MPP7: variants seen among roughly 807,000 people sequenced by gnomAD.
MPP7 encodes MAGUK p55 scaffold protein 7.
Under a neutral mutation model 76.5 loss-of-function variants are expected in MPP7, and 60 were observed. The observed-to-expected ratio is 0.78, with a 90% CI of 0.64 to 0.97. The LOEUF is 0.97. Ranked by LOEUF, MPP7 falls within the 50% of genes least tolerant of loss-of-function variation. The pLI, the probability that MPP7 is intolerant of heterozygous loss-of-function variation, is 0.00. For synonymous variants in MPP7, 237 were observed against 244.5 expected (o/e 0.97, Z 0.29); for missense variants, 641 against 694.0 (o/e 0.92, Z 0.86).
Position 28,120,949 on chromosome 10 carries a change from C to T in MPP7, c.616-281G>A, listed in dbSNP as rs117628200. ...AAATACATTCCCATCCAAGTTTCTTCGAAATAGAAACACACAAAATATGCA... is the reference window on the plus strand; with the variant it reads ...AAATACATTCCCATCCAAGTTTCTTTGAAATAGAAACACACAAAATATGCA... On this transcript the variant is annotated intron_variant, in intron 8 of 16. Coordinates refer to ENST00000683449, the MANE Select transcript of MPP7 (RefSeq NM_001318170.2). Among the ~76,000 whole-genome samples the T allele has an allele frequency of 4.1e-3, 626 of 152,206 alleles. 3 individuals carry two copies. The highest frequency in any genetic ancestry group is 0.027 in the Middle Eastern group (8 of 294).
At chr10:28,081,828 G>A (rs1006546106) in intron 12 of MPP7, among the ~76,000 whole-genome samples, 1 of 150,012 alleles carries the variant, frequency 6.7e-6, no homozygotes, top group African/African-American at 2.5e-5. Context: ...TCTCGGCTCA[G>A]TGCAACCTCC....
At chr10:28,092,765 A>T (rs1228373833) in intron 11 of MPP7, among the ~76,000 whole-genome samples, 1 of 67,834 alleles carries the variant, frequency 1.5e-5, no homozygotes, top group East Asian at 4.8e-3. Context: ...TTTTTTGAAG[A>T]GATAAGGTTT....
chr10:28,310,716 C>T (rs991570686), intron 2 of MPP7, among the ~76,000 whole-genome samples: 1 of 152,182 alleles, frequency 6.6e-6, no homozygotes, highest in African/African-American at 2.4e-5. Context: ...ACACCTGGAT[C>T]TACCTCATTA....
intron 16 of MPP7, among the ~76,000 whole-genome samples, chr10:28,055,572 A>C (rs1389976161): frequency 5.3e-5 from 8 of 152,240 alleles, no homozygotes; most frequent in Admixed American, 3.9e-4. Flanking sequence ...TCATGAATAT[A>C]CCACAATCAT....
At chr10:28,296,183 C>A (rs1269368342) in intron 1 of MPP7, among the ~76,000 whole-genome samples, 1 of 152,164 alleles carries the variant, frequency 6.6e-6, no homozygotes, top group East Asian at 1.9e-4. Context: ...TAGGAAGCAG[C>A]CTTTTAATCT....
intron 1 of MPP7, among the ~76,000 whole-genome samples, chr10:28,282,804 C>T (rs77523657): frequency 0.01 from 1,572 of 151,980 alleles, 30 homozygotes; most frequent in East Asian, 0.071. Flanking sequence ...TGTTCTGTGT[C>T]GGTGACCTCC....
At chr10:28,333,919 G>T (rs945390605) in intron 1 of MPP7, among the ~76,000 whole-genome samples, 1 of 152,176 alleles carries the variant, frequency 6.6e-6, no homozygotes, top group Admixed American at 6.5e-5. Context: ...GGGGCCGGCT[G>T]CGGTGGCTCG....
intron 1 of MPP7, among the ~76,000 whole-genome samples, chr10:28,269,447 T>G (rs537077503): frequency 1.3e-5 from 2 of 152,246 alleles, no homozygotes; most frequent in South Asian, 2.1e-4. Flanking sequence ...ATCATCATTC[T>G]AAAGTAAATC....
chr10:28,111,218 A>G (rs1218724358), intron 11 of MPP7, among the ~76,000 whole-genome samples: 2 of 152,106 alleles, frequency 1.3e-5, no homozygotes, highest in African/African-American at 2.4e-5. Flanking sequence ...AAAAAAATCC[A>G]CCTACCACAC....
intron 6 of MPP7, among the ~76,000 whole-genome samples, chr10:28,127,197 C>T (rs1436293513): frequency 6.6e-6 from 1 of 152,142 alleles, no homozygotes; most frequent in Non-Finnish European, 1.5e-5. Flanking sequence ...ATACTTAATG[C>T]TAGTTCCTTT....
At chr10:28,097,050 T>C (rs999361987) in intron 11 of MPP7, among the ~76,000 whole-genome samples, 4 of 152,138 alleles carry the variant, frequency 2.6e-5, no homozygotes, top group African/African-American at 9.7e-5. Flanking sequence ...AGTAAAGTGG[T>C]GCGATCACGG....
At chr10:28,262,225 A>AC (rs1839993071) in intron 1 of MPP7, among the ~76,000 whole-genome samples, 1 of 23,638 alleles carries the variant, frequency 4.2e-5, no homozygotes, top group African/African-American at 1.7e-4. Flanking sequence ...ATATATATAT[A>AC]CATATATATA....
chr10:28,077,071 A>G (rs968134388), intron 12 of MPP7, among the ~76,000 whole-genome samples: 7 of 130,156 alleles, frequency 5.4e-5, no homozygotes, highest in Non-Finnish European at 1.1e-4. Flanking sequence ...ATTCTTAAAA[A>G]TCTCTAACTA....
At position 28,238,619 on chromosome 10, in the gene MPP7, G is replaced by C; in HGVS notation, c.-15C>G. On this transcript the variant is annotated 5_prime_UTR_variant, in exon 2 of 17. Transcript: ENST00000683449. ...AAAGCTGGCATGATGCAAGGTGTAGGAACAGGTCAGCCCACCGCTCTCCGG... is the reference window on the plus strand; with the variant it reads ...AAAGCTGGCATGATGCAAGGTGTAGCAACAGGTCAGCCCACCGCTCTCCGG... 1 of 1,614,086 alleles carries C rather than the reference G, an allele frequency of 6.2e-7. No homozygotes were observed. The highest frequency in any genetic ancestry group is 8.5e-7 in the Non-Finnish European group (1 of 1,179,962).
intron 3 of MPP7, among the ~76,000 whole-genome samples, chr10:28,199,879 A>AACACAC (rs3064104): frequency 3.6e-4 from 54 of 148,952 alleles, no homozygotes; most frequent in Middle Eastern, 3.5e-3. Context: ...AGCCCATTTA[A>AACACAC]ACACACACAC....
chr10:28,212,792 TGAG>T (rs1838184026), intron 2 of MPP7, among the ~76,000 whole-genome samples: 1 of 152,134 alleles, frequency 6.6e-6, no homozygotes, highest in African/African-American at 2.4e-5. Context: ...GCAAGTACAA[TGAG>T]GACTGAGAAC....
intron 2 of MPP7, among the ~76,000 whole-genome samples, chr10:28,237,857 CT>C (rs1839129111): frequency 6.6e-6 from 1 of 152,180 alleles, no homozygotes; most frequent in African/African-American, 2.4e-5. Context: ...GGATTTTACA[CT>C]TTGAAAAAGT....
rs372108945 is a variant in MPP7, at chr10:28,149,988, G to T, written c.228C>A (p.Ala76=). ...CTCGGAGAGTCACACTTACATCATCGGCCAAGGCCGCCGCACCATGGAGAA... is the reference window on the plus strand; with the variant it reads ...CTCGGAGAGTCACACTTACATCATCTGCCAAGGCCGCCGCACCATGGAGAA... ...VPILHGAAAL[A]DDLAEELQNK... The change falls in exon 4 of 17, where the codon GCC becomes GCA. Residue 76 remains alanine, a synonymous_variant. Transcript: ENST00000683449. 6.8e-6 allele frequency: 11 copies of T among 1,612,732 alleles called. No homozygotes were observed. Among genetic ancestry groups the T allele is most frequent in the East Asian group, 6.7e-5 (3 of 44,816 alleles).
intron 2 of MPP7, among the ~76,000 whole-genome samples, chr10:28,227,636 G>T (rs1419522604): frequency 6.6e-6 from 1 of 152,146 alleles, no homozygotes; most frequent in Non-Finnish European, 1.5e-5. Flanking sequence ...TCCCTGCAAA[G>T]GACATGGTTG....
Sources: gnomAD v4.1 joint callset for allele counts (sites outside exome capture counted in the v4.1 genomes callset) on GRCh38, gnomAD v4.1.1 for gene constraint, MANE v1.5 for transcripts, NCBI Gene and HGNC (gene_info 2026-07-23, HGNC 2026-07-21) for gene names.